GFRA1: variants seen among roughly 807,000 people sequenced by gnomAD.
The protein encoded by GFRA1 is GDNF family receptor alpha 1, also known as GDNF family receptor alpha-1.
Under a neutral mutation model 51.6 loss-of-function variants are expected in GFRA1, and 16 were observed. The ratio of observed to expected loss-of-function variants is 0.31; its 90% CI spans 0.21 to 0.47. The LOEUF (loss-of-function observed/expected upper bound fraction) is 0.47, where lower values mean the gene tolerates loss of function less well. GFRA1 is among the 20% of genes least tolerant of loss of function. The pLI is 1.00. For synonymous variants in GFRA1, 270 were observed against 241.3 expected, an observed-to-expected ratio of 1.12 and a Z score of -1.10; for missense variants, 530 against 594.3, an observed-to-expected ratio of 0.89 and a Z score of 1.13.
intron 5 of GFRA1, among the ~76,000 whole-genome samples, chr10:116,146,831 A>T (rs1244766341): frequency 6.6e-6 from 1 of 152,224 alleles, no homozygotes; most frequent in Non-Finnish European, 1.5e-5. Flanking sequence ...CACCAATTGC[A>T]GTTAAATCTC....
chr10:116,127,672 A>C (rs1007284501), intron 5 of GFRA1, among the ~76,000 whole-genome samples: 5 of 152,172 alleles, frequency 3.3e-5, no homozygotes, highest in Non-Finnish European at 7.3e-5. Context: ...CTCAGGACTC[A>C]GGAGTGAAAT....
chr10:116,148,064 ATGCGTG>A (rs1565610470), intron 5 of GFRA1, among the ~76,000 whole-genome samples: 9 of 73,654 alleles, frequency 1.2e-4, no homozygotes, highest in East Asian at 1.0e-3. Flanking sequence ...GCATGTGTGC[ATGCGTG>A]TGTGCATGTG....
At position 116,204,917 on chromosome 10, in the gene GFRA1, T is replaced by C. The variant is rs188244416; in HGVS notation, c.433+6714A>G. 1.6e-4 allele frequency among the ~76,000 whole-genome samples: 24 copies of C among 152,158 alleles called. No homozygotes were observed. The East Asian group carries it at 3.7e-3, about 23-fold the overall frequency. ...AGATTTCCTTCCAAAGAGTATAGTATGGAAAGGAGGAGGAAAGTAACCACA... is the reference window on the plus strand; with the variant it reads ...AGATTTCCTTCCAAAGAGTATAGTACGGAAAGGAGGAGGAAAGTAACCACA... On this transcript the variant is annotated intron_variant, in intron 5 of 10. Coordinates refer to ENST00000355422, the MANE Select transcript of GFRA1 (RefSeq NM_005264.8).
Position 116,057,340 on chromosome 10 carries a change from A to G in GFRA1, c.*7058T>C, listed in dbSNP as rs1954590633. The G allele has an allele frequency of 6.6e-6, 1 of 152,202 alleles. No homozygotes were observed. The highest frequency in any genetic ancestry group is 6.5e-5 in the Admixed American group (1 of 15,280). 9.4% of individuals were successfully genotyped at this position (152,202 alleles called of 1,614,324 possible). A position where few individuals can be genotyped will look rare whatever the true frequency, so the allele number is the denominator to read the frequency against. On this transcript the variant is annotated 3_prime_UTR_variant, in exon 11 of 11. Coordinates refer to ENST00000355422, the MANE Select transcript of GFRA1 (RefSeq NM_005264.8). Reference sequence around the variant, plus strand: ...TCGACCCCTCACCCCTGTTCCGAGGAGACTGGGTGTCTGAACCCCTCACTC... The same window carrying G: ...TCGACCCCTCACCCCTGTTCCGAGGGGACTGGGTGTCTGAACCCCTCACTC...
At chr10:116,163,526 C>A (rs993545321) in intron 5 of GFRA1, among the ~76,000 whole-genome samples, 1 of 152,204 alleles carries the variant, frequency 6.6e-6, no homozygotes, top group Admixed American at 6.5e-5. Context: ...TCTTGAAATT[C>A]ATGCAAATTC....
chr10:116,188,255 G>A (rs533048801), intron 5 of GFRA1, among the ~76,000 whole-genome samples: 1 of 152,306 alleles, frequency 6.6e-6, no homozygotes, highest in East Asian at 1.9e-4. Context: ...TGGGATCTGA[G>A]GGTTCGGAGG....
intron 5 of GFRA1, among the ~76,000 whole-genome samples, chr10:116,132,873 G>C (rs1388767909): frequency 2.0e-5 from 3 of 152,142 alleles, no homozygotes; most frequent in African/African-American, 7.2e-5. Flanking sequence ...ACACCGCACG[G>C]AGGATCAGGA....
intron 9 of GFRA1, among the ~76,000 whole-genome samples, chr10:116,082,009 G>A (rs912909729): frequency 2.6e-5 from 4 of 152,198 alleles, no homozygotes; most frequent in Non-Finnish European, 4.4e-5. Context: ...TCAGTGGAGT[G>A]CAGATATGGC....
chr10:116,115,821 G>GTGTA (rs1403322306), intron 6 of GFRA1, among the ~76,000 whole-genome samples: 1 of 152,194 alleles, frequency 6.6e-6, no homozygotes, highest in Non-Finnish European at 1.5e-5. Flanking sequence ...CTTGCAGCTG[G>GTGTA]TGTAGTATGC....
rs552739160 is a variant in GFRA1, at chr10:116,093,460, C to T, written c.1015+242G>A. Among the ~76,000 whole-genome samples the T allele has an allele frequency of 4.6e-5, 7 of 152,302 alleles. No individual in the cohort carries two copies. The East Asian group carries it at 1.4e-3, about 29-fold the overall frequency. On this transcript the variant is annotated intron_variant, in intron 8 of 10. Coordinates refer to ENST00000355422, the MANE Select transcript of GFRA1 (RefSeq NM_005264.8). ...TTGGATTCACAGTCTTAGCAGCACC[C>T]AGTTCATCACTTGCTGGGTTCCCTG...
At chr10:116,090,898 A>G (rs1956306169) in intron 8 of GFRA1, among the ~76,000 whole-genome samples, 1 of 152,180 alleles carries the variant, frequency 6.6e-6, no homozygotes, top group Non-Finnish European at 1.5e-5. Context: ...TAAAATTGTT[A>G]TCCTTTAAGT....
intron 4 of GFRA1, among the ~76,000 whole-genome samples, chr10:116,240,421 T>G (rs1400874913): frequency 6.6e-6 from 1 of 152,224 alleles, no homozygotes; most frequent in Non-Finnish European, 1.5e-5. Flanking sequence ...CACTGACTAG[T>G]TTCTTTCTCA....
At chr10:116,246,186 TC>T (rs1161513329) in intron 4 of GFRA1, among the ~76,000 whole-genome samples, 2 of 152,318 alleles carry the variant, frequency 1.3e-5, no homozygotes, top group East Asian at 3.9e-4. Flanking sequence ...ATGCCTGTAA[TC>T]CCAGCACTTT....
intron 5 of GFRA1, among the ~76,000 whole-genome samples, chr10:116,194,435 T>A (rs1348235996): frequency 6.6e-6 from 1 of 152,190 alleles, no homozygotes; most frequent in East Asian, 1.9e-4. Flanking sequence ...TTCTAATTTA[T>A]CCTGAAGAAA....
intron 6 of GFRA1, among the ~76,000 whole-genome samples, chr10:116,113,906 C>T (rs2133977283): frequency 6.6e-6 from 1 of 152,262 alleles, no homozygotes; most frequent in East Asian, 1.9e-4. Flanking sequence ...TGTTGCTCGC[C>T]TCATCATCAC....
At chr10:116,175,163 G>A (rs1170569212) in intron 5 of GFRA1, among the ~76,000 whole-genome samples, 1 of 152,202 alleles carries the variant, frequency 6.6e-6, no homozygotes, top group African/African-American at 2.4e-5. Context: ...GAAGGATGCA[G>A]TCAGGCCCCA....
intron 4 of GFRA1, among the ~76,000 whole-genome samples, chr10:116,246,072 A>G (rs1450948560): frequency 6.6e-6 from 1 of 152,214 alleles, no homozygotes; most frequent in Non-Finnish European, 1.5e-5. Flanking sequence ...ACTGTAAACT[A>G]TGAACTTTGG....
chr10:116,222,239 C>T (rs1468831217), intron 4 of GFRA1, among the ~76,000 whole-genome samples: 1 of 152,096 alleles, frequency 6.6e-6, no homozygotes, highest in East Asian at 1.9e-4. Context: ...TGCCCTGTCG[C>T]CCAGGCTGGA....
intron 5 of GFRA1, among the ~76,000 whole-genome samples, chr10:116,134,453 G>A (rs1174265378): frequency 2.0e-5 from 3 of 152,264 alleles, no homozygotes; most frequent in Non-Finnish European, 2.9e-5. Flanking sequence ...CACACGGATC[G>A]TATGGCAAAT....
Sources: gnomAD v4.1 joint callset for allele counts (sites outside exome capture counted in the v4.1 genomes callset) on GRCh38, gnomAD v4.1.1 for gene constraint, MANE v1.5 for transcripts, NCBI Gene and HGNC (gene_info 2026-07-23, HGNC 2026-07-21) for gene names.